The following CLIC2 variants were observed in gnomAD, a reference collection of about 807,000 sequenced individuals.
The protein encoded by CLIC2 is chloride intracellular channel protein 2.
Under a neutral mutation model 14.8 loss-of-function variants are expected in CLIC2, and 9 were observed. That is an observed-to-expected ratio of 0.61 (90% CI 0.37 to 1.06). CLIC2 has a LOEUF of 1.06. Ranked by LOEUF, CLIC2 falls within the 50% of genes least tolerant of loss-of-function variation. The probability of loss-of-function intolerance (pLI) is 0.01; values close to 1 mark genes in which losing one functional copy is unlikely to be tolerated. For missense variants in CLIC2, 148 were observed against 181.4 expected (o/e 0.82, Z 1.06); for synonymous variants, 61 against 66.3 (o/e 0.92, Z 0.39).
At chrX:155,328,610 A>T (rs2075146465) in intron 1 of CLIC2, among the ~76,000 whole-genome samples, 1 of 109,123 alleles carries the variant, frequency 9.2e-6, no homozygotes, top group Non-Finnish European at 1.9e-5. Flanking sequence ...ATCCCTATCA[A>T]AATGACAAAG....
chrX:155,287,138 A>G (rs1369657705), intron 3 of CLIC2, among the ~76,000 whole-genome samples: 4 of 111,079 alleles, frequency 3.6e-5, no homozygotes, highest in South Asian at 3.8e-4. Context: ...TGATTTTTGT[A>G]TATGGTATAA....
rs141524446 is a variant in CLIC2 at position 155,293,863 on chromosome X, A to C, written c.293+4922T>G. Among the ~76,000 whole-genome samples the C allele has an allele frequency of 6.9e-3, 776 of 112,062 alleles. 6 individuals are homozygous for C. Among genetic ancestry groups the C allele is most frequent in the African/African-American group, 0.024 (735 of 30,920 alleles). On this transcript the variant is annotated intron_variant, in intron 3 of 5. Coordinates refer to ENST00000369449, the MANE Select transcript of CLIC2 (RefSeq NM_001289.6). ...ATCAACCCAGCAAAAAAGATATAACAATCCTAAATATATATGCACCCAATA... is the reference window on the plus strand; with the variant it reads ...ATCAACCCAGCAAAAAAGATATAACCATCCTAAATATATATGCACCCAATA...
At chrX:155,297,884 A>AAAAAAAAAAAAAAAAAAAAAAAGAAG (rs1557318527) in intron 3 of CLIC2, among the ~76,000 whole-genome samples, 2 of 45,217 alleles carry the variant, frequency 4.4e-5, no homozygotes, top group Non-Finnish European at 9.7e-5. Flanking sequence ...AAAAAAAAAA[A>AAAAAAAAAAAAAAAAAAAAAAAGAAG]AAGAAGGTGA....
chrX:155,293,246 C>T, intron 3 of CLIC2: 1 of 960,141 alleles, frequency 1.0e-6, no homozygotes, highest in South Asian at 1.9e-5. Context: ...GCTGCCACTC[C>T]AAGAAAAGAT....
At chrX:155,303,521 T>C (rs1309120682) in intron 1 of CLIC2, among the ~76,000 whole-genome samples, 2 of 96,175 alleles carry the variant, frequency 2.1e-5, no homozygotes, top group African/African-American at 7.5e-5. Context: ...TGATGGGTCT[T>C]GACTCTTTAT....
intron 1 of CLIC2, among the ~76,000 whole-genome samples, chrX:155,306,711 C>A (rs1189220790): frequency 9.0e-6 from 1 of 110,636 alleles, no homozygotes; most frequent in Non-Finnish European, 1.9e-5. Context: ...GCAGACACTT[C>A]ACATGGCGAA....
chrX:155,305,015 G>A (rs1447043896), intron 1 of CLIC2, among the ~76,000 whole-genome samples: 2 of 111,118 alleles, frequency 1.8e-5, no homozygotes, highest in Non-Finnish European at 3.8e-5. Context: ...AGTCGGCAGA[G>A]GTTACTGCTG....
intron 4 of CLIC2, 117 bp from the exon 5 acceptor site, chrX:155,279,447 C>T (rs2074910528): frequency 3.8e-6 from 2 of 526,026 alleles, no homozygotes; most frequent in Non-Finnish European, 6.5e-6. Flanking sequence ...CTTACACTGG[C>T]TCTTCAATAT....
intron 3 of CLIC2, among the ~76,000 whole-genome samples, chrX:155,280,305 G>A (rs2074914106): frequency 8.9e-6 from 1 of 112,759 alleles, no homozygotes; most frequent in Non-Finnish European, 1.9e-5. Context: ...TAGAAACAAT[G>A]TTTCAAATGG....
rs782646934 is a variant in CLIC2 at position 155,330,047 on chromosome X, GTC to G, written c.57+4322_57+4323del. Among the ~76,000 whole-genome samples, 6 of 111,339 alleles carry G rather than the reference GTC, an allele frequency of 5.4e-5. No homozygotes were observed. In the East Asian group the frequency reaches 1.7e-3, roughly 31 times the overall value. On this transcript the variant is annotated intron_variant, in intron 1 of 5. Coordinates refer to ENST00000369449, the MANE Select transcript of CLIC2 (RefSeq NM_001289.6). ...TACTAGAGGCTGGGAAGGGTAGTGAGTCTGTGTGTGTGGGGAGGTGAAGAGTG... is the reference window on the plus strand; with the variant it reads ...TACTAGAGGCTGGGAAGGGTAGTGAGTGTGTGTGTGGGGAGGTGAAGAGTG...
rs781790441 is a variant in CLIC2, at chrX:155,293,266, C to T, written c.293+5519G>A. On this transcript the variant is annotated intron_variant, in intron 3 of 5. Coordinates refer to ENST00000369449, the MANE Select transcript of CLIC2 (RefSeq NM_001289.6). ...CACTCCAAGAAAAGATGCTCCCAAA[C>T]GTTCTGTACTGTCCAACTCAGTTCC... 32 of 981,310 alleles carry T rather than the reference C, an allele frequency of 3.3e-5. 1 individual carries two copies. The highest frequency in any genetic ancestry group is 1.5e-4 in the East Asian group (5 of 32,715). 80.9% of individuals were successfully genotyped at this position (981,310 alleles called of 1,213,427 possible). A position where few individuals can be genotyped will look rare whatever the true frequency, so the allele number is the denominator to read the frequency against.
chrX:155,322,391 G>A (rs1557321767), intron 1 of CLIC2, among the ~76,000 whole-genome samples: 2 of 111,763 alleles, frequency 1.8e-5, no homozygotes, highest in African/African-American at 6.5e-5. Flanking sequence ...TTAGAACTCA[G>A]GATTAAGAAA....
chrX:155,287,578 C>T (rs1265843541), intron 3 of CLIC2, among the ~76,000 whole-genome samples: 1 of 111,480 alleles, frequency 9.0e-6, no homozygotes, highest in Non-Finnish European at 1.9e-5. Context: ...AGGTGATCCA[C>T]CTGCCTCGGC....
chrX:155,308,383 T>C (rs945650493), intron 1 of CLIC2, among the ~76,000 whole-genome samples: 2 of 109,625 alleles, frequency 1.8e-5, no homozygotes, highest in African/African-American at 6.7e-5. Context: ...AAAAAAATCA[T>C]AAAAAAGAAT....
intron 3 of CLIC2, among the ~76,000 whole-genome samples, chrX:155,290,154 T>A (rs1557317439): frequency 8.9e-6 from 1 of 112,272 alleles, no homozygotes; most frequent in African/African-American, 3.2e-5. Flanking sequence ...TATGTTGAAC[T>A]CTTTTCTAGC....
At chrX:155,325,032 G>A (rs782278501) in intron 1 of CLIC2, among the ~76,000 whole-genome samples, 1 of 112,348 alleles carries the variant, frequency 8.9e-6, no homozygotes. Flanking sequence ...GATCATTAGA[G>A]AAATGCAAAT....
At chrX:155,292,753 G>C (rs1014987186) in intron 3 of CLIC2, 15 of 487,035 alleles carry the variant, frequency 3.1e-5, no homozygotes, top group African/African-American at 1.3e-4. Context: ...CTGGGCGACA[G>C]AGCGAGACTC....
intron 3 of CLIC2, among the ~76,000 whole-genome samples, chrX:155,283,917 T>C (rs2074930128): frequency 8.9e-6 from 1 of 111,930 alleles, no homozygotes; most frequent in Admixed American, 9.5e-5. Flanking sequence ...CAGTTATTGA[T>C]TTTACAGAGA....
chrX:155,320,650 C>T (rs2075110991), intron 1 of CLIC2, among the ~76,000 whole-genome samples: 1 of 111,757 alleles, frequency 8.9e-6, no homozygotes, highest in African/African-American at 3.3e-5. Flanking sequence ...CAGAATGCCT[C>T]TTCTCCTCCA....
Sources: gnomAD v4.1 joint callset for allele counts (sites outside exome capture counted in the v4.1 genomes callset) on GRCh38, gnomAD v4.1.1 for gene constraint, MANE v1.5 for transcripts, NCBI Gene and HGNC (gene_info 2026-07-23, HGNC 2026-07-21) for gene names.